Variants in GRM8 observed in about 807,000 individuals in gnomAD.
The protein encoded by GRM8 is glutamate metabotropic receptor 8, also known as metabotropic glutamate receptor 8.
Under a neutral mutation model 87.2 loss-of-function variants are expected in GRM8, and 47 were observed. That is an observed-to-expected ratio of 0.54 (90% CI 0.43 to 0.69). GRM8 has a LOEUF of 0.69. Among genes scored for constraint, GRM8 ranks in the 30% least tolerant of loss-of-function variants. The pLI is 0.00. For missense variants in GRM8, 1,019 were observed against 1,139.2 expected, an observed-to-expected ratio of 0.89 and a Z score of 1.52; for synonymous variants, 396 against 404.5, an observed-to-expected ratio of 0.98 and a Z score of 0.25.
At chr7:127,160,676 TGCTAGGGAGAAAAAA>T (rs1793051763) in intron 2 of GRM8, among the ~76,000 whole-genome samples, 1 of 151,968 alleles carries the variant, frequency 6.6e-6, no homozygotes, top group Admixed American at 6.5e-5. Flanking sequence ...GTGGAAGGGA[TGCTAGGGAGAAAAAA>T]GCAGTTTTCT....
At chr7:127,019,655 G>A (rs981928986) in intron 3 of GRM8, among the ~76,000 whole-genome samples, 10 of 152,006 alleles carry the variant, frequency 6.6e-5, no homozygotes, top group Admixed American at 1.3e-4. Context: ...ATCATTACAC[G>A]GGCACACTCT....
chr7:126,601,848 G>A (rs1320080600), intron 8 of GRM8, among the ~76,000 whole-genome samples: 1 of 141,436 alleles, frequency 7.1e-6, no homozygotes, highest in Admixed American at 7.1e-5. Context: ...TGTCAGATGA[G>A]TAGGTTGTGA....
chr7:127,213,320 A>G (rs574628974), intron 2 of GRM8, among the ~76,000 whole-genome samples: 20 of 152,338 alleles, frequency 1.3e-4, no homozygotes, highest in African/African-American at 4.6e-4. Flanking sequence ...TGGCTAGCCT[A>G]AACTACTGAG....
At chr7:126,600,872 A>G (rs1797671259) in intron 8 of GRM8, among the ~76,000 whole-genome samples, 3 of 152,170 alleles carry the variant, frequency 2.0e-5, no homozygotes, top group Admixed American at 1.3e-4. Context: ...TCTTGTTGCA[A>G]GGAAAGGAAA....
intron 9 of GRM8, among the ~76,000 whole-genome samples, chr7:126,526,439 A>C (rs1001446706): frequency 2.6e-5 from 4 of 152,220 alleles, no homozygotes; most frequent in Non-Finnish European, 2.9e-5. Context: ...TCCCAGGCTG[A>C]ATATCCAGTG....
intron 7 of GRM8, among the ~76,000 whole-genome samples, chr7:126,664,945 T>G (rs1393683623): frequency 2.0e-5 from 3 of 152,062 alleles, no homozygotes; most frequent in Non-Finnish European, 4.4e-5. Context: ...ATAACTCCAC[T>G]AAACAGTGGG....
At chr7:126,770,313 CT>C (rs1818700030) in intron 6 of GRM8, among the ~76,000 whole-genome samples, 1 of 152,056 alleles carries the variant, frequency 6.6e-6, no homozygotes, top group Non-Finnish European at 1.5e-5. Context: ...GTTTCATTAT[CT>C]TTTTTCCACC....
chr7:127,125,051 C>G (rs1296114825), intron 2 of GRM8, among the ~76,000 whole-genome samples: 3 of 152,006 alleles, frequency 2.0e-5, no homozygotes, highest in East Asian at 1.9e-4. Context: ...AAAATCATAC[C>G]TAGTGGTGAA....
chr7:126,814,748 A>C (rs984185320), intron 6 of GRM8, among the ~76,000 whole-genome samples: 8 of 151,248 alleles, frequency 5.3e-5, no homozygotes, highest in Non-Finnish European at 7.4e-5. Context: ...ACTCATTCTA[A>C]TGCCATTCTT....
chr7:126,488,406 T>C (rs920138051), intron 9 of GRM8, among the ~76,000 whole-genome samples: 3 of 152,044 alleles, frequency 2.0e-5, no homozygotes, highest in Admixed American at 6.6e-5. Context: ...TTGGGTATCC[T>C]GGATGTGTTC....
At chr7:126,699,421 A>G (rs1809699075) in intron 7 of GRM8, among the ~76,000 whole-genome samples, 1 of 152,170 alleles carries the variant, frequency 6.6e-6, no homozygotes, top group African/African-American at 2.4e-5. Context: ...CTTGCTTTCA[A>G]AAATGTAAAA....
chr7:126,669,506 G>A (rs1163083907), intron 7 of GRM8, among the ~76,000 whole-genome samples: 1 of 152,162 alleles, frequency 6.6e-6, no homozygotes, highest in Admixed American at 6.6e-5. Flanking sequence ...AGGACTATTA[G>A]TAAAATGCAG....
intron 2 of GRM8, among the ~76,000 whole-genome samples, chr7:127,141,258 A>G (rs1011245690): frequency 8.5e-5 from 13 of 152,146 alleles, no homozygotes; most frequent in African/African-American, 2.9e-4. Context: ...CACCCACACA[A>G]CTGAGGGGTT....
chr7:126,457,969 G>A (rs1001676747), intron 9 of GRM8, among the ~76,000 whole-genome samples: 1 of 150,124 alleles, frequency 6.7e-6, no homozygotes, highest in African/African-American at 2.4e-5. Context: ...GGAAGAAGAT[G>A]TGATATAAGA....
chr7:126,675,205 C>T (rs1806825516), intron 7 of GRM8, among the ~76,000 whole-genome samples: 1 of 152,080 alleles, frequency 6.6e-6, no homozygotes, highest in South Asian at 2.1e-4. Flanking sequence ...AAATCCTGAA[C>T]AGACCAATAA....
At chr7:127,101,305 T>C (rs1387781328) in intron 3 of GRM8, among the ~76,000 whole-genome samples, 2 of 152,098 alleles carry the variant, frequency 1.3e-5, no homozygotes, top group African/African-American at 4.8e-5. Context: ...AGTACAACCT[T>C]AAATATACAT....
chr7:126,852,301 G>A (rs1447610115), intron 6 of GRM8, among the ~76,000 whole-genome samples: 1 of 152,164 alleles, frequency 6.6e-6, no homozygotes, highest in Non-Finnish European at 1.5e-5. Context: ...CTAGACAGCA[G>A]CGCCTGACAT....
chr7:127,196,627 C>T (rs1795294040), intron 2 of GRM8, among the ~76,000 whole-genome samples: 1 of 152,184 alleles, frequency 6.6e-6, no homozygotes, highest in African/African-American at 2.4e-5. Context: ...CACATTGTTA[C>T]ACTTCCCTCA....
chr7:126,529,705 T>C (rs1339401595), intron 9 of GRM8, among the ~76,000 whole-genome samples: 1 of 152,238 alleles, frequency 6.6e-6, no homozygotes, highest in Admixed American at 6.5e-5. Flanking sequence ...ATCTCGATTT[T>C]ATGAGCCCAA....
Sources: allele counts gnomAD v4.1 joint callset (sites outside exome capture counted in the v4.1 genomes callset), GRCh38; gene constraint gnomAD v4.1.1; transcripts MANE v1.5; gene names NCBI Gene and HGNC (gene_info 2026-07-23, HGNC 2026-07-21).